The following NTRK3 variants were observed in gnomAD, a reference collection of about 807,000 sequenced individuals.
NTRK3 encodes the protein NT-3 growth factor receptor.
NTRK3 carries 24 observed loss-of-function variants against 91.7 expected under a neutral mutation model. That is an observed-to-expected ratio of 0.26 (90% CI 0.19 to 0.37). The LOEUF is 0.37. Among genes scored for constraint, NTRK3 ranks in the 10% least tolerant of loss-of-function variants. The pLI, the probability that NTRK3 is intolerant of heterozygous loss-of-function variation, is 1.00. For missense variants in NTRK3, 880 were observed against 1,068.9 expected (o/e 0.82, Z 2.46); for synonymous variants, 483 against 404.0 (o/e 1.20, Z -2.34).
chr15:88,134,626 T>C (rs530963347), intron 10 of NTRK3, among the ~76,000 whole-genome samples: 1 of 152,330 alleles, frequency 6.6e-6, no homozygotes, highest in African/African-American at 2.4e-5. Flanking sequence ...TCAAGTCCTT[T>C]GCAATGGGAA....
chr15:87,886,699 T>TATATATATATATACAC (rs1265075771), intron 17 of NTRK3, among the ~76,000 whole-genome samples: 6 of 138,492 alleles, frequency 4.3e-5, no homozygotes, highest in African/African-American at 1.6e-4. Context: ...TATATATATA[T>TATATATATATATACAC]ACATATATAC....
chr15:87,980,149 G>A (rs2074096148), intron 14 of NTRK3, among the ~76,000 whole-genome samples: 1 of 152,152 alleles, frequency 6.6e-6, no homozygotes, highest in African/African-American at 2.4e-5. Context: ...TGGTGGCCCC[G>A]AGGCCACGTG....
intron 5 of NTRK3, among the ~76,000 whole-genome samples, chr15:88,155,672 TAATAA>T (rs774309793): frequency 5.3e-5 from 8 of 152,200 alleles, no homozygotes; most frequent in African/African-American, 1.9e-4. Context: ...AGTATAGATA[TAATAA>T]AAGACACAAA....
In NTRK3 at chr15:88,237,961, A is replaced by G. The variant is rs1050797562; in HGVS notation, c.248+17945T>C. 1.1e-4 allele frequency among the ~76,000 whole-genome samples: 16 copies of G among 152,194 alleles called. No homozygotes were observed. The highest frequency in any genetic ancestry group is 2.1e-4 in the Non-Finnish European group (14 of 68,032). On this transcript the variant is annotated intron_variant, in intron 3 of 18. Coordinates refer to ENST00000394480, the Ensembl canonical transcript of NTRK3. The surrounding 1 kb of genome is among the most constrained non-coding windows in gnomAD (Gnocchi z 4.0). ...CCTCGGAATGTAACTGTATTTGGAGATAGGGTCTTTAAAGAAGTAATTAAG... is the reference window on the plus strand; with the variant it reads ...CCTCGGAATGTAACTGTATTTGGAGGTAGGGTCTTTAAAGAAGTAATTAAG...
intron 3 of NTRK3, among the ~76,000 whole-genome samples, chr15:88,250,647 C>T (rs2053253056): frequency 6.6e-6 from 1 of 152,140 alleles, no homozygotes; most frequent in African/African-American, 2.4e-5. Context: ...ATTAATCAAC[C>T]GTTCCTTGGC....
chr15:87,990,498 C>T (rs1170384421), intron 14 of NTRK3, among the ~76,000 whole-genome samples: 2 of 152,122 alleles, frequency 1.3e-5, no homozygotes, highest in Admixed American at 6.6e-5. Flanking sequence ...TGGGGCCCAG[C>T]CATGTCTTTT....
chr15:88,215,094 T>C (rs1241481129), intron 3 of NTRK3, among the ~76,000 whole-genome samples: 1 of 152,204 alleles, frequency 6.6e-6, no homozygotes, highest in African/African-American at 2.4e-5. Flanking sequence ...GTATCTGGGT[T>C]CCCTCACCTC....
At chr15:88,151,204 G>T (rs2043344334) in intron 5 of NTRK3, among the ~76,000 whole-genome samples, 1 of 152,142 alleles carries the variant, frequency 6.6e-6, no homozygotes, top group Admixed American at 6.5e-5. Context: ...CAAGTTCCGT[G>T]ACACTGCCCC....
chr15:88,137,733 T>A (rs2042009886), intron 6 of NTRK3, among the ~76,000 whole-genome samples, 172 bp from the exon 7 acceptor site: 1 of 152,164 alleles, frequency 6.6e-6, no homozygotes, highest in African/African-American at 2.4e-5. Flanking sequence ...AATTGCAGTT[T>A]TAAAACAATA....
chr15:88,178,153 G>C (rs887529628), intron 5 of NTRK3, among the ~76,000 whole-genome samples: 1 of 152,170 alleles, frequency 6.6e-6, no homozygotes, highest in African/African-American at 2.4e-5. Flanking sequence ...CAATCCTTTT[G>C]GGACTTGGAG....
At chr15:87,905,167 C>CT (rs1264383662) in intron 17 of NTRK3, among the ~76,000 whole-genome samples, 1 of 152,220 alleles carries the variant, frequency 6.6e-6, no homozygotes, top group African/African-American at 2.4e-5. Flanking sequence ...AAGAGTATGG[C>CT]TTCTCTCTAC....
At chr15:87,993,705 C>A (rs1368767135) in intron 14 of NTRK3, among the ~76,000 whole-genome samples, 1 of 152,136 alleles carries the variant, frequency 6.6e-6, no homozygotes, top group Admixed American at 6.5e-5. Flanking sequence ...ATAGCAGATA[C>A]CAGCAAATGT....
chr15:87,993,210 G>C (rs1219436384), intron 14 of NTRK3, among the ~76,000 whole-genome samples: 1 of 152,154 alleles, frequency 6.6e-6, no homozygotes, highest in Non-Finnish European at 1.5e-5. Flanking sequence ...GTACCATTTA[G>C]GATATGATGA....
At chr15:87,964,199 T>C (rs2072576889) in intron 14 of NTRK3, among the ~76,000 whole-genome samples, 1 of 152,124 alleles carries the variant, frequency 6.6e-6, no homozygotes, top group East Asian at 1.9e-4. Context: ...GGACACTCAA[T>C]AACAGAGGTT....
intron 18 of NTRK3, among the ~76,000 whole-genome samples, chr15:87,878,215 G>C (rs756956276): frequency 1.3e-5 from 2 of 152,130 alleles, no homozygotes; most frequent in Non-Finnish European, 2.9e-5. Context: ...ATAATCTCTA[G>C]CTCAGCAGCT....
chr15:87,899,695 T>C (rs941152318), intron 17 of NTRK3, among the ~76,000 whole-genome samples: 1 of 152,110 alleles, frequency 6.6e-6, no homozygotes, highest in South Asian at 2.1e-4. Flanking sequence ...AAACAATACA[T>C]AGCACAGCAG....
chr15:88,133,379 T>A (rs1416135688), intron 10 of NTRK3, among the ~76,000 whole-genome samples: 1 of 152,056 alleles, frequency 6.6e-6, no homozygotes, highest in Non-Finnish European at 1.5e-5. Context: ...ACCCCACACC[T>A]CTCAGGATAC....
intron 13 of NTRK3, among the ~76,000 whole-genome samples, chr15:88,098,835 G>A (rs1370553371): frequency 3.3e-5 from 5 of 152,162 alleles, no homozygotes; most frequent in South Asian, 2.1e-4. Context: ...CAAGGGAGCT[G>A]CTCAGAAACT....
intron 13 of NTRK3, among the ~76,000 whole-genome samples, chr15:88,085,206 G>C (rs1339082322): frequency 6.6e-6 from 1 of 152,186 alleles, no homozygotes; most frequent in Admixed American, 6.5e-5. Context: ...TAAGGGATGG[G>C]TTTTCAGAGG....
Sources: gnomAD v4.1 joint callset for allele counts (sites outside exome capture counted in the v4.1 genomes callset) on GRCh38, gnomAD v4.1.1 for gene constraint, Gnocchi (gnomAD v3.1) non-coding constraint, MANE v1.5 for transcripts, NCBI Gene and HGNC (gene_info 2026-07-23, HGNC 2026-07-21) for gene names.